The following UVSSA variants were observed in gnomAD, a reference collection of about 807,000 sequenced individuals.
UVSSA encodes the protein UV-stimulated scaffold protein A.
Under a neutral mutation model 73.9 loss-of-function variants are expected in UVSSA, and 72 were observed. The ratio of observed to expected loss-of-function variants is 0.97; its 90% confidence interval spans 0.81 to 1.19. The LOEUF is 1.19. UVSSA is among the 50% of genes most tolerant of loss of function. The probability of loss-of-function intolerance (pLI) is 0.00; values close to 1 mark genes in which losing one functional copy is unlikely to be tolerated. For missense variants in UVSSA, 1,150 were observed against 965.0 expected (o/e 1.19, Z -2.54); for synonymous variants, 454 against 391.3 (o/e 1.16, Z -1.89).
intron 8 of UVSSA, among the ~76,000 whole-genome samples, chr4:1,370,776 C>T (rs1302081314): frequency 1.3e-5 from 2 of 152,234 alleles, no homozygotes; most frequent in African/African-American, 4.8e-5. Flanking sequence ...TGACCTCTGT[C>T]CAGAGAGTCA....
intron 8 of UVSSA, chr4:1,375,001 T>C: frequency 4.1e-6 from 1 of 244,494 alleles, no homozygotes; most frequent in East Asian, 1.1e-4. Context: ...CTGCCGGGGC[T>C]ATGGGCACAG....
upstream of UVSSA, among the ~76,000 whole-genome samples, chr4:1,344,069 G>A (rs984513281): frequency 1.1e-4 from 17 of 151,890 alleles, no homozygotes; most frequent in Non-Finnish European, 2.5e-4. Flanking sequence ...GGGGAGGAGG[G>A]GACAAGAAAT....
upstream of UVSSA, among the ~76,000 whole-genome samples, chr4:1,344,364 A>G (rs1342275559): frequency 6.6e-6 from 1 of 152,134 alleles, no homozygotes; most frequent in African/African-American, 2.4e-5. Context: ...CAGCCTGGCC[A>G]ATATGGTGAA....
intron 10 of UVSSA, among the ~76,000 whole-genome samples, chr4:1,377,091 C>A (rs1030926763): frequency 6.6e-6 from 1 of 152,166 alleles, no homozygotes; most frequent in Non-Finnish European, 1.5e-5. Flanking sequence ...GATGCGGGAG[C>A]GTCTCATCCG....
At chr4:1,361,133 T>TAG (rs925697641) in intron 7 of UVSSA, among the ~76,000 whole-genome samples, 1 of 152,204 alleles carries the variant, frequency 6.6e-6, no homozygotes, top group Non-Finnish European at 1.5e-5. Flanking sequence ...ATTTTGCCCC[T>TAG]AGCCTAGCTC....
chr4:1,385,376 C>A (rs1411983218), intron 13 of UVSSA: 2 of 198,100 alleles, frequency 1.0e-5, no homozygotes, highest in Non-Finnish European at 2.1e-5. Context: ...GTCAGCACAG[C>A]ACACCTCATC....
chr4:1,395,867 A>C (rs1012982964), exon 14 of UVSSA: 1 of 1,608,354 alleles, frequency 6.2e-7, no homozygotes. Context: ...ATTAGGGATG[A>C]GATGGAAGAG....
chr4:1,372,763 C>T (rs1466027877), intron 8 of UVSSA, among the ~76,000 whole-genome samples: 3 of 76,162 alleles, frequency 3.9e-5, no homozygotes, highest in Admixed American at 1.5e-4. Flanking sequence ...ACTCACCTCC[C>T]GCGTCTCAGG....
chr4:1,361,334 G>C (rs920303019), intron 7 of UVSSA, among the ~76,000 whole-genome samples: 1 of 152,254 alleles, frequency 6.6e-6, no homozygotes, highest in Non-Finnish European at 1.5e-5. Flanking sequence ...GAGTGACCTG[G>C]GTTAGACGAG....
At chr4:1,366,653 G>T (rs112579893) in intron 8 of UVSSA, among the ~76,000 whole-genome samples, 1 of 152,338 alleles carries the variant, frequency 6.6e-6, no homozygotes, top group South Asian at 2.1e-4. Flanking sequence ...TCGGGTTCTC[G>T]GGCCTGGGGC....
intron 7 of UVSSA, among the ~76,000 whole-genome samples, chr4:1,365,477 CAG>C (rs1303685912): frequency 6.6e-6 from 1 of 152,194 alleles, no homozygotes; most frequent in Non-Finnish European, 1.5e-5. Flanking sequence ...TGGCTTTTCT[CAG>C]GGGAAAAAGA....
chr4:1,386,849 C>G lies in UVSSA; in HGVS notation c.*888C>G, dbSNP rs1720160450. 1 of 152,000 alleles carries G rather than the reference C, an allele frequency of 6.6e-6. No individual in the cohort carries two copies. Among genetic ancestry groups the G allele is most frequent in the South Asian group, 2.1e-4 (1 of 4,814 alleles). The allele number at this position is 152,000 out of a possible 1,614,324, so 9.4% of individuals were successfully genotyped here. ...CCTTCCACGTCAGCCTCCCAGGTAG[C>G]TGGGACTACAGGCACACACCACAAC... On this transcript the variant is annotated 3_prime_UTR_variant, in exon 14 of 14. Coordinates refer to ENST00000389851, the MANE Select transcript of UVSSA (RefSeq NM_020894.4).
At position 1,366,421 on chromosome 4, in the gene UVSSA, G is replaced by A. The variant is rs760828715; in HGVS notation, c.1278G>A (p.Arg426=). ...AGCCACACATCCCCGACCACTTGCG[G>A]CCTGAGTATGGTGAGCAGTGGGTCC... is the stretch of plus-strand genomic sequence containing the variant. ...GYEPHIPDHL[R]PEYGLEAAPE... is the part of the protein sequence containing the mutation. Residue 426 remains arginine, a synonymous_variant, in exon 8 of 14, where the codon CGG becomes CGA. Coordinates refer to ENST00000389851, the MANE Select transcript of UVSSA (RefSeq NM_020894.4). 69 of 1,610,430 alleles carry A rather than the reference G, an allele frequency of 4.3e-5. No individual in the cohort carries two copies. Among genetic ancestry groups the A allele is most frequent in the Non-Finnish European group, 5.7e-5 (67 of 1,178,286 alleles).
chr4:1,378,267 C>T (rs1719012918), intron 10 of UVSSA, among the ~76,000 whole-genome samples: 1 of 152,174 alleles, frequency 6.6e-6, no homozygotes, highest in South Asian at 2.1e-4. Flanking sequence ...GGCTGGCGGG[C>T]CCTGGCTGGG....
At chr4:1,360,644 G>T (rs923820284) in intron 7 of UVSSA, among the ~76,000 whole-genome samples, 7 of 152,304 alleles carry the variant, frequency 4.6e-5, no homozygotes, top group South Asian at 2.1e-4. Context: ...CCCTGAGAAG[G>T]TCAGGCTGAA....
intron 10 of UVSSA, 106 bp downstream of exon 10, chr4:1,376,274 C>T: frequency 7.1e-7 from 1 of 1,417,954 alleles, no homozygotes; most frequent in East Asian, 2.7e-5. Flanking sequence ...GGAAGCTGGC[C>T]CTGCCTCCCA....
At chr4:1,379,544 T>G (rs1187693332) in intron 10 of UVSSA, among the ~76,000 whole-genome samples, 1 of 152,190 alleles carries the variant, frequency 6.6e-6, no homozygotes, top group Non-Finnish European at 1.5e-5. Context: ...ACCCGGCCCC[T>G]CTGTGCTGCC....
chr4:1,354,467 A>G, intron 5 of UVSSA: 1 of 489,248 alleles, frequency 2.0e-6, no homozygotes, highest in Non-Finnish European at 3.8e-6. Flanking sequence ...CGCCCTCCAG[A>G]TGGGATGGCT....
chr4:1,349,129 A>G (rs1714255725), intron 2 of UVSSA, among the ~76,000 whole-genome samples: 1 of 73,334 alleles, frequency 1.4e-5, no homozygotes, highest in Non-Finnish European at 3.2e-5. Flanking sequence ...GTGTTTAAAG[A>G]GCCAGATGGT....
Sources: gnomAD v4.1 joint callset for allele counts (sites outside exome capture counted in the v4.1 genomes callset) on GRCh38, gnomAD v4.1.1 for gene constraint, MANE v1.5 for transcripts, NCBI Gene and HGNC (gene_info 2026-07-23, HGNC 2026-07-21) for gene names.